The following CAMK2B variants were observed in gnomAD, a reference collection of about 807,000 sequenced individuals.
CAMK2B encodes the protein calcium/calmodulin dependent protein kinase II beta.
Under a neutral mutation model 93.7 loss-of-function variants are expected in CAMK2B, and 27 were observed. The ratio of observed to expected loss-of-function variants is 0.29; its 90% CI spans 0.21 to 0.40. The LOEUF (loss-of-function observed/expected upper bound fraction) is 0.40. Among genes scored for constraint, CAMK2B ranks in the 10% least tolerant of loss-of-function variants. CAMK2B has a pLI of 1.00. For missense variants in CAMK2B, 568 were observed against 895.8 expected, an observed-to-expected ratio of 0.63 and a Z score of 4.67; for synonymous variants, 374 against 358.8, an observed-to-expected ratio of 1.04 and a Z score of -0.48.
Position 44,220,806 on chromosome 7 carries a change from C to T in CAMK2B, c.1673+20G>A, listed in dbSNP as rs552264223. 57 of 1,560,834 alleles carry T rather than the reference C, an allele frequency of 3.7e-5. No homozygotes were observed. The highest frequency in any genetic ancestry group is 7.2e-5 in the East Asian group (3 of 41,678). On this transcript the variant is annotated intron_variant, in intron 21 of 23. Coordinates refer to ENST00000395749, the MANE Select transcript of CAMK2B (RefSeq NM_001220.5). Reference sequence around the variant, plus strand: ...CACATCCTTGTCCTGCACAGCCCCCCCCCAGCCCCAGGGACTCACGCGTAG... The same window carrying T: ...CACATCCTTGTCCTGCACAGCCCCCTCCCAGCCCCAGGGACTCACGCGTAG...
intron 20 of CAMK2B, among the ~76,000 whole-genome samples, chr7:44,222,291 C>T (rs958700583): frequency 2.6e-5 from 4 of 152,222 alleles, no homozygotes; most frequent in African/African-American, 9.6e-5. Flanking sequence ...CCTGGGACAC[C>T]TGCCCTCAAA....
At chr7:44,313,682 G>T (rs1236961133) in intron 1 of CAMK2B, among the ~76,000 whole-genome samples, 1 of 148,988 alleles carries the variant, frequency 6.7e-6, no homozygotes, top group Non-Finnish European at 1.5e-5. Flanking sequence ...TGTGTCATGT[G>T]TCCCTGAACT....
At chr7:44,284,267 A>C in intron 1 of CAMK2B, 42 bp from the exon 2 acceptor site, 1 of 1,371,740 alleles carries the variant, frequency 7.3e-7, no homozygotes, top group Non-Finnish European at 1.0e-6. Flanking sequence ...AGACAGAGAC[A>C]GACAAGGAGA....
chr7:44,268,526 CT>C (rs2096940747), intron 2 of CAMK2B: 1 of 152,314 alleles, frequency 6.6e-6, no homozygotes. Flanking sequence ...GGTTACCTGC[CT>C]GCAGAGGCCC....
chr7:44,298,397 A>G (rs139569663), intron 1 of CAMK2B, among the ~76,000 whole-genome samples: 107 of 152,350 alleles, frequency 7.0e-4, no homozygotes, highest in African/African-American at 2.4e-3. Context: ...ACTCAAAATG[A>G]ATCAAAGACC....
intron 16 of CAMK2B, among the ~76,000 whole-genome samples, chr7:44,232,358 T>C (rs1461829551): frequency 6.6e-6 from 1 of 150,802 alleles, no homozygotes; most frequent in African/African-American, 2.4e-5. Context: ...GGCCCCAGAG[T>C]GATGATGCCA....
At chr7:44,306,901 ACGG>A (rs1791809594) in intron 1 of CAMK2B, among the ~76,000 whole-genome samples, 1 of 110,730 alleles carries the variant, frequency 9.0e-6, no homozygotes, top group Non-Finnish European at 1.8e-5. Context: ...GAGCAGGAAG[ACGG>A]TGTGAGCAGG....
rs1309313087 is a variant in CAMK2B, at chr7:44,296,713, G to C, written c.66-12488C>G. 2.6e-5 allele frequency among the ~76,000 whole-genome samples: 4 copies of C among 152,252 alleles called. No individual in the cohort carries two copies. The South Asian group carries it at 8.3e-4, about 32-fold the overall frequency. On this transcript the variant is annotated intron_variant, in intron 1 of 23. Transcript: ENST00000395749. The stretch of plus-strand genomic sequence containing the variant: ...CAAAAAACACTTCACCTGTCAAGGG[G>C]CAAAAAAGCATTACATCAGACTTCT...
At chr7:44,299,496 T>C (rs1789292217) in intron 1 of CAMK2B, among the ~76,000 whole-genome samples, 1 of 152,256 alleles carries the variant, frequency 6.6e-6, no homozygotes, top group South Asian at 2.1e-4. Flanking sequence ...ATAATGTTAC[T>C]GAATTGTATC....
Position 44,240,731 on chromosome 7 carries a change from T to C in CAMK2B, c.922A>G (p.Met308Val). 6.2e-7 allele frequency: 1 copy of C among 1,613,910 alleles called. No individual in the cohort carries two copies. Among genetic ancestry groups the C allele is most frequent in the Non-Finnish European group, 8.5e-7 (1 of 1,179,914 alleles). ...RKLKGAILTT[M>V]LATRNFSVGR... ...CCTGAGAAATTCCGTGTGGCCAGCA[T>C]GGTGGTGAGGATGGCTCCCTGGGGA... Residue 308 changes from methionine to valine, a missense_variant, in exon 12 of 24, where the codon ATG becomes GTG. Met to Val is a conservative substitution (Grantham distance 21, BLOSUM62 1). Around this residue, in one of 4 missense-constraint regions of CAMK2B, gnomAD observed 105 missense variants for 372.4 expected, o/e 0.28. Coordinates refer to ENST00000395749, the MANE Select transcript of CAMK2B (RefSeq NM_001220.5).
At chr7:44,226,411 G>T in intron 20 of CAMK2B, 105 bp downstream of exon 20, 3 of 939,246 alleles carry the variant, frequency 3.2e-6, no homozygotes, top group East Asian at 3.3e-5. Context: ...CCTGTGCCCC[G>T]CCCTCCTCCG....
chr7:44,289,503 C>T (rs926423879), intron 1 of CAMK2B, among the ~76,000 whole-genome samples: 5 of 152,180 alleles, frequency 3.3e-5, no homozygotes, highest in Admixed American at 6.5e-5. Flanking sequence ...CACTTGGTAA[C>T]GACACCAGGG....
chr7:44,255,101 C>A (rs1409190496), intron 4 of CAMK2B, among the ~76,000 whole-genome samples: 1 of 152,026 alleles, frequency 6.6e-6, no homozygotes, highest in African/African-American at 2.4e-5. Context: ...AGAGTGGTGG[C>A]CCTCGCACAG....
At chr7:44,270,228 G>A (rs1016733284) in intron 2 of CAMK2B, among the ~76,000 whole-genome samples, 6 of 152,268 alleles carry the variant, frequency 3.9e-5, no homozygotes, top group Middle Eastern at 6.8e-3. Context: ...CCTTCTGCTT[G>A]TCCACCACAC....
intron 5 of CAMK2B, among the ~76,000 whole-genome samples, chr7:44,249,192 G>A (rs556984083): frequency 6.6e-6 from 1 of 152,302 alleles, no homozygotes; most frequent in East Asian, 1.9e-4. Context: ...AAGGGGCCCA[G>A]CATCTGTTCC....
At chr7:44,292,068 A>G (rs1168694738) in intron 1 of CAMK2B, among the ~76,000 whole-genome samples, 1 of 152,220 alleles carries the variant, frequency 6.6e-6, no homozygotes, top group African/African-American at 2.4e-5. Flanking sequence ...TCTGGTGGCC[A>G]GAAGGCAGAG....
intron 1 of CAMK2B, among the ~76,000 whole-genome samples, chr7:44,298,377 A>C (rs1027702104): frequency 6.6e-5 from 10 of 152,244 alleles, no homozygotes; most frequent in Non-Finnish European, 1.3e-4. Flanking sequence ...TACACAACAT[A>C]CAAACAATAA....
In CAMK2B at chr7:44,228,851, T is replaced by C. The variant is rs1426130243; in HGVS notation, c.1413A>G (p.Ser471=). The C allele has an allele frequency of 2.0e-6, 3 of 1,486,810 alleles. No individual in the cohort carries two copies. The highest frequency in any genetic ancestry group is 1.4e-5 in the African/African-American group (1 of 70,978). 92.1% of individuals were successfully genotyped at this position (1,486,810 alleles called of 1,614,324 possible). ...GAGACAGGCAGGGCGGGGGCCCCGC[T>C]GAGAGGGGGCCCTCGGCTTCTGGGG... is the stretch of plus-strand genomic sequence containing the variant. ...SGTPEAEGPL[S]AGPPPCLSPA... The change falls in exon 19 of 24, where the codon TCA becomes TCG. Residue 471 remains serine (S), a synonymous_variant. Coordinates refer to ENST00000395749, the MANE Select transcript of CAMK2B (RefSeq NM_001220.5).
intron 12 of CAMK2B, among the ~76,000 whole-genome samples, chr7:44,240,374 C>T (rs1168763814): frequency 1.3e-5 from 2 of 152,306 alleles, no homozygotes; most frequent in African/African-American, 4.8e-5. Context: ...CTCAAAATGA[C>T]AAGGAGGCCA....
Sources: gnomAD v4.1 joint callset for allele counts (sites outside exome capture counted in the v4.1 genomes callset) on GRCh38, gnomAD v4.1.1 for gene constraint, gnomAD v4.1.1 regional missense constraint, MANE v1.5 for transcripts, NCBI Gene and HGNC (gene_info 2026-07-23, HGNC 2026-07-21) for gene names.